DTNB: variants seen among roughly 807,000 people sequenced by gnomAD.
DTNB encodes the protein dystrobrevin beta.
DTNB carries 63 observed loss-of-function variants against 90.7 expected under a neutral mutation model. The observed-to-expected ratio is 0.69, with a 90% CI of 0.57 to 0.86. The LOEUF (loss-of-function observed/expected upper bound fraction) is 0.86. Ranked by LOEUF, DTNB falls within the 40% of genes least tolerant of loss-of-function variation. The pLI, the probability that DTNB is intolerant of heterozygous loss-of-function variation, is 0.00. For missense variants in DTNB, 744 were observed against 807.1 expected, an observed-to-expected ratio of 0.92 and a Z score of 0.95; for synonymous variants, 277 against 286.7, an observed-to-expected ratio of 0.97 and a Z score of 0.34.
intron 12 of DTNB, among the ~76,000 whole-genome samples, chr2:25,449,892 A>G (rs939841234): frequency 6.6e-6 from 1 of 151,488 alleles, no homozygotes; most frequent in Non-Finnish European, 1.5e-5. Context: ...CCTCCCAAGT[A>G]GCTGGGACTA....
intron 10 of DTNB, among the ~76,000 whole-genome samples, chr2:25,462,166 G>A (rs944399152): frequency 1.5e-4 from 23 of 152,278 alleles, no homozygotes; most frequent in Non-Finnish European, 2.8e-4. Context: ...TTGCAGGTGC[G>A]CTAGCTGCAT....
intron 16 of DTNB, among the ~76,000 whole-genome samples, chr2:25,389,956 T>A (rs977870013): frequency 3.3e-5 from 5 of 151,998 alleles, no homozygotes; most frequent in African/African-American, 1.2e-4. Context: ...CCCAAATTGG[T>A]AACTTCATAT....
intron 1 of DTNB, among the ~76,000 whole-genome samples, chr2:25,663,426 C>T (rs2083679750): frequency 6.6e-6 from 1 of 152,196 alleles, no homozygotes; most frequent in Non-Finnish European, 1.5e-5. Flanking sequence ...GGTATATACC[C>T]AGTAATGGGA....
chr2:25,427,426 T>C (rs1339355498), intron 15 of DTNB, 109 bp downstream of exon 15: 6 of 1,039,030 alleles, frequency 5.8e-6, no homozygotes, highest in Non-Finnish European at 6.8e-6. Context: ...GATTCTAGGC[T>C]AAAGTCAAGC....
intron 1 of DTNB, among the ~76,000 whole-genome samples, chr2:25,664,987 A>G (rs974181650): frequency 1.3e-5 from 2 of 152,340 alleles, no homozygotes; most frequent in East Asian, 3.9e-4. Flanking sequence ...TAGGATCTGA[A>G]GAGAGTGCAG....
chr2:25,415,636 G>T (rs2149764781), intron 16 of DTNB, among the ~76,000 whole-genome samples: 1 of 152,278 alleles, frequency 6.6e-6, no homozygotes, highest in Non-Finnish European at 1.5e-5. Flanking sequence ...CCAGGCCTTG[G>T]GGAGGGGAGA....
At chr2:25,491,580 T>C (rs1392456792) in intron 9 of DTNB, among the ~76,000 whole-genome samples, 2 of 152,096 alleles carry the variant, frequency 1.3e-5, no homozygotes, top group Non-Finnish European at 2.9e-5. Context: ...TGGGATGACA[T>C]TATTCGCTGT....
At chr2:25,540,899 C>CCTGGG (rs2081085983) in intron 8 of DTNB, among the ~76,000 whole-genome samples, 2 of 152,056 alleles carry the variant, frequency 1.3e-5, no homozygotes, top group Non-Finnish European at 2.9e-5. Context: ...GGGACACAAA[C>CCTGGG]ACTGCGGAAG....
At position 25,584,522 on chromosome 2, in the gene DTNB, A is replaced by G. The variant is rs114903082; in HGVS notation, c.604-3696T>C. The stretch of plus-strand genomic sequence containing the variant: ...GTTAACATATAATAGGTTCATCATT[A>G]TTTTTAAGTGACTTAGTTTTCTTTT... On this transcript the variant is annotated intron_variant, in intron 6 of 20. Transcript: ENST00000406818. Among the ~76,000 whole-genome samples the G allele has an allele frequency of 5.8e-3, 877 of 151,664 alleles. 10 individuals carry two copies. The highest frequency in any genetic ancestry group is 0.02 in the African/African-American group (830 of 41,380).
At chr2:25,450,175 C>G (rs944729978) in intron 12 of DTNB, among the ~76,000 whole-genome samples, 4 of 152,062 alleles carry the variant, frequency 2.6e-5, no homozygotes, top group Non-Finnish European at 5.9e-5. Context: ...ATGGTTTTAG[C>G]TTTTATGTTT....
chr2:25,421,686 C>A (rs768346973), intron 15 of DTNB, among the ~76,000 whole-genome samples: 3 of 152,182 alleles, frequency 2.0e-5, no homozygotes, highest in Non-Finnish European at 4.4e-5. Context: ...GGTCAAAAGA[C>A]CAGTATGTAA....
chr2:25,550,409 AAAAC>A (rs999834337), intron 8 of DTNB, among the ~76,000 whole-genome samples: 15 of 152,000 alleles, frequency 9.9e-5, no homozygotes, highest in East Asian at 1.9e-4. Context: ...AAACAAAAAC[AAAAC>A]AAACAAACAA....
intron 1 of DTNB, among the ~76,000 whole-genome samples, chr2:25,656,512 TAG>T (rs2082091593): frequency 6.6e-6 from 1 of 152,182 alleles, no homozygotes; most frequent in Admixed American, 6.5e-5. Context: ...CCACACAATC[TAG>T]AGATAACCAA....
intron 11 of DTNB, among the ~76,000 whole-genome samples, chr2:25,451,909 G>C (rs942304362): frequency 6.6e-6 from 1 of 152,054 alleles, no homozygotes; most frequent in Non-Finnish European, 1.5e-5. Context: ...GAAAACACAG[G>C]GCACCCACAA....
intron 6 of DTNB, among the ~76,000 whole-genome samples, chr2:25,581,297 C>T (rs2061520749): frequency 6.6e-6 from 1 of 152,076 alleles, no homozygotes; most frequent in South Asian, 2.1e-4. Context: ...ACACAAGATG[C>T]ACTTAAGTAA....
At chr2:25,397,225 C>A (rs981147655) in intron 16 of DTNB, among the ~76,000 whole-genome samples, 2 of 150,754 alleles carry the variant, frequency 1.3e-5, no homozygotes, top group African/African-American at 2.4e-5. Context: ...AAATGTCCAT[C>A]AATTCAGGAG....
At chr2:25,404,717 T>C (rs557852977) in intron 16 of DTNB, among the ~76,000 whole-genome samples, 1 of 152,036 alleles carries the variant, frequency 6.6e-6, no homozygotes, top group East Asian at 1.9e-4. Flanking sequence ...TAGCCAGGCG[T>C]GGTGGCACGC....
chr2:25,503,936 A>C (rs1472694784), intron 9 of DTNB, among the ~76,000 whole-genome samples: 3 of 151,588 alleles, frequency 2.0e-5, no homozygotes, highest in Non-Finnish European at 2.9e-5. Context: ...AAAAAAAAAA[A>C]CAGTTTTATT....
At chr2:25,467,553 C>G (rs2062028088) in intron 10 of DTNB, among the ~76,000 whole-genome samples, 1 of 152,072 alleles carries the variant, frequency 6.6e-6, no homozygotes, top group Admixed American at 6.5e-5. Flanking sequence ...ATCCTCCCAC[C>G]CTGACCTCCC....
Sources: allele counts gnomAD v4.1 joint callset (sites outside exome capture counted in the v4.1 genomes callset), GRCh38; gene constraint gnomAD v4.1.1; transcripts MANE v1.5; gene names NCBI Gene and HGNC (gene_info 2026-07-23, HGNC 2026-07-21).